The following PTPRD variants were observed in gnomAD, a reference collection of about 807,000 sequenced individuals.
PTPRD encodes the protein receptor-type tyrosine-protein phosphatase delta.
Under a neutral mutation model 214.5 loss-of-function variants are expected in PTPRD, and 34 were observed. That is an observed-to-expected ratio of 0.16 (90% CI 0.12 to 0.21). The LOEUF (loss-of-function observed/expected upper bound fraction) is 0.21, where lower values mean the gene tolerates loss of function less well. Ranked by LOEUF, PTPRD falls within the 10% of genes least tolerant of loss-of-function variation. PTPRD has a pLI of 1.00. For missense variants in PTPRD, 2,545 were observed against 2,398.7 expected, an observed-to-expected ratio of 1.06 and a Z score of -1.27; for synonymous variants, 1,128 against 845.7, an observed-to-expected ratio of 1.33 and a Z score of -5.79.
At position 9,797,873 on chromosome 9, in the gene PTPRD, C is replaced by T. The variant is rs536691000; in HGVS notation, c.-367-31022G>A. Among the ~76,000 whole-genome samples the T allele has an allele frequency of 7.1e-4, 108 of 151,922 alleles. 3 individuals carry two copies. The South Asian group carries it at 0.023, about 32-fold the overall frequency. On this transcript the variant is annotated intron_variant, in intron 5 of 45. Transcript: ENST00000381196. ...CAAAAAAATAAAAAATAAAAAAAAT[C>T]ATCCTCTGTCATAAAATTGGGAAGG...
At chr9:8,482,450 A>G (rs2096907187) in intron 30 of PTPRD, among the ~76,000 whole-genome samples, 1 of 151,968 alleles carries the variant, frequency 6.6e-6, no homozygotes, top group Non-Finnish European at 1.5e-5. Flanking sequence ...CCATCTATCC[A>G]AATTCCAACA....
At chr9:8,934,481 A>G (rs58218394) in intron 11 of PTPRD, among the ~76,000 whole-genome samples, 14 of 6,478 alleles carry the variant, frequency 2.2e-3, no homozygotes, top group Admixed American at 5.8e-3. Flanking sequence ...ATATATAAAT[A>G]TATATATATA....
chr9:9,944,242 C>T (rs1190695674), intron 4 of PTPRD, among the ~76,000 whole-genome samples: 2 of 152,126 alleles, frequency 1.3e-5, no homozygotes. Flanking sequence ...TCCTTAACAA[C>T]CTATAGTAGA....
chr9:9,674,570 ATATAC>A lies in PTPRD; in HGVS notation c.-287+59958_-287+59962del, dbSNP rs1435908838. ...TAAATATGCTATGTAAGACACGTTC[ATATAC>A]TATAAGAAAAGAGAAAGATTAAAAC... On this transcript the variant is annotated intron_variant, in intron 7 of 45. Transcript: ENST00000381196. Among the ~76,000 whole-genome samples the A allele has an allele frequency of 5.3e-5, 8 of 151,888 alleles. 1 individual carries two copies. The East Asian group carries it at 1.3e-3, about 26-fold the overall frequency.
chr9:9,509,332 C>A (rs2096644492), intron 8 of PTPRD, among the ~76,000 whole-genome samples: 1 of 151,212 alleles, frequency 6.6e-6, no homozygotes, highest in Non-Finnish European at 1.5e-5. Flanking sequence ...AGAAATTGAC[C>A]CTCCTACTAT....
intron 2 of PTPRD, among the ~76,000 whole-genome samples, chr9:10,381,906 T>A (rs188446334): frequency 6.6e-6 from 1 of 151,966 alleles, no homozygotes; most frequent in Non-Finnish European, 1.5e-5. Context: ...AATAGTAATA[T>A]CTAAACCCAA....
At chr9:9,558,963 G>A (rs1205323979) in intron 8 of PTPRD, among the ~76,000 whole-genome samples, 1 of 152,178 alleles carries the variant, frequency 6.6e-6, no homozygotes, top group South Asian at 2.1e-4. Flanking sequence ...TAAGGGACTT[G>A]TACTCAGTGT....
At chr9:10,597,250 C>A (rs913762231) in intron 2 of PTPRD, among the ~76,000 whole-genome samples, 1 of 151,440 alleles carries the variant, frequency 6.6e-6, no homozygotes, top group Non-Finnish European at 1.5e-5. Flanking sequence ...CAAGACTGCC[C>A]CTTTTAATTG....
At chr9:9,287,801 A>C (rs994768667) in intron 9 of PTPRD, among the ~76,000 whole-genome samples, 1 of 151,982 alleles carries the variant, frequency 6.6e-6, no homozygotes, top group African/African-American at 2.4e-5. Context: ...GGCTAAAGTA[A>C]GTATGTCATA....
At chr9:9,841,668 G>A (rs572215598) in intron 5 of PTPRD, among the ~76,000 whole-genome samples, 1 of 152,194 alleles carries the variant, frequency 6.6e-6, no homozygotes, top group South Asian at 2.1e-4. Flanking sequence ...GTTACTTAAG[G>A]TTCACATATT....
At chr9:10,237,204 AC>A (rs1179446972) in intron 3 of PTPRD, among the ~76,000 whole-genome samples, 3 of 151,862 alleles carry the variant, frequency 2.0e-5, no homozygotes, top group Non-Finnish European at 4.4e-5. Context: ...GAATCTTTGT[AC>A]CATCCTCTCA....
chr9:8,882,771 A>G (rs1244120904), intron 11 of PTPRD, among the ~76,000 whole-genome samples: 2 of 151,560 alleles, frequency 1.3e-5, no homozygotes, highest in African/African-American at 2.4e-5. Context: ...TGCAGTCTCA[A>G]CTACTCAGGA....
intron 3 of PTPRD, among the ~76,000 whole-genome samples, chr9:10,076,306 C>T (rs1410105533): frequency 6.6e-6 from 1 of 152,030 alleles, no homozygotes; most frequent in African/African-American, 2.4e-5. Flanking sequence ...GCTCAAAAAC[C>T]AGCTGGGGAG....
chr9:8,806,017 G>C (rs867605498), intron 11 of PTPRD, among the ~76,000 whole-genome samples: 1 of 140,924 alleles, frequency 7.1e-6, no homozygotes, highest in South Asian at 2.5e-4. Flanking sequence ...AAAAAAGAAA[G>C]AAAAAAAGAA....
At chr9:8,450,877 A>G in intron 33 of PTPRD, among the ~76,000 whole-genome samples, 1 of 152,184 alleles carries the variant, frequency 6.6e-6, no homozygotes, top group East Asian at 1.9e-4. Flanking sequence ...TGCAATCTCT[A>G]CACCACAGTC....
chr9:9,628,643 G>T (rs534923409), intron 7 of PTPRD, among the ~76,000 whole-genome samples: 1 of 151,968 alleles, frequency 6.6e-6, no homozygotes, highest in African/African-American at 2.4e-5. Flanking sequence ...ATTTTCTTTA[G>T]AAATATTGAA....
chr9:9,054,365 C>T (rs952496195), intron 10 of PTPRD, among the ~76,000 whole-genome samples: 2 of 152,154 alleles, frequency 1.3e-5, no homozygotes, highest in Admixed American at 6.5e-5. Context: ...TGAGACTTCT[C>T]TGGAAAGCTT....
chr9:8,434,855 A>G (rs950644320), intron 35 of PTPRD, among the ~76,000 whole-genome samples: 2 of 152,220 alleles, frequency 1.3e-5, no homozygotes, highest in Non-Finnish European at 2.9e-5. Context: ...GAAACTATAG[A>G]AAGTGTTTTA....
At chr9:8,421,650 T>G (rs759748772) in intron 35 of PTPRD, among the ~76,000 whole-genome samples, 2 of 152,292 alleles carry the variant, frequency 1.3e-5, no homozygotes, top group South Asian at 2.1e-4. Flanking sequence ...AGCTGGAGTT[T>G]GGCCCAAATT....
Sources: gnomAD v4.1 joint callset for allele counts (sites outside exome capture counted in the v4.1 genomes callset) on GRCh38, gnomAD v4.1.1 for gene constraint, MANE v1.5 for transcripts, NCBI Gene and HGNC (gene_info 2026-07-23, HGNC 2026-07-21) for gene names.